Variants in TNRC6A observed in about 807,000 individuals in gnomAD.
TNRC6A encodes the protein trinucleotide repeat-containing gene 6A protein.
Under a neutral mutation model 221.2 loss-of-function variants are expected in TNRC6A, and 44 were observed. The ratio of observed to expected loss-of-function variants is 0.20; its 90% CI spans 0.16 to 0.26. TNRC6A has a LOEUF of 0.26. TNRC6A is among the 10% of genes least tolerant of loss of function. The pLI is 1.00. For synonymous variants in TNRC6A, 847 were observed against 838.5 expected (o/e 1.01, Z -0.18); for missense variants, 2,199 against 2,404.4 (o/e 0.91, Z 1.79).
intron 17 of TNRC6A, among the ~76,000 whole-genome samples, chr16:24,808,604 A>G (rs2058481927): frequency 1.3e-5 from 2 of 152,248 alleles, no homozygotes; most frequent in Non-Finnish European, 2.9e-5. Flanking sequence ...GCTCTCTGCA[A>G]AAATACGCAT....
At chr16:24,797,279 T>A (rs2058239033) in intron 9 of TNRC6A, among the ~76,000 whole-genome samples, 1 of 152,206 alleles carries the variant, frequency 6.6e-6, no homozygotes, top group Non-Finnish European at 1.5e-5. Flanking sequence ...TCTCTGTACA[T>A]TACAGCTATA....
chr16:24,632,339 A>G (rs1901390569), intron 1 of TNRC6A, among the ~76,000 whole-genome samples: 1 of 152,048 alleles, frequency 6.6e-6, no homozygotes, highest in Non-Finnish European at 1.5e-5. Flanking sequence ...CCAACCTCCA[A>G]TATCTTTCCC....
chr16:24,780,639 G>A (rs1337235740), intron 5 of TNRC6A, among the ~76,000 whole-genome samples: 4 of 152,112 alleles, frequency 2.6e-5, no homozygotes, highest in African/African-American at 9.7e-5. Flanking sequence ...ACCTACTGGC[G>A]AAGGAAAGAG....
chr16:24,703,851 A>C (rs1346693922), intron 2 of TNRC6A, among the ~76,000 whole-genome samples: 1 of 152,018 alleles, frequency 6.6e-6, no homozygotes, highest in East Asian at 1.9e-4. Flanking sequence ...TGGGAGGCCA[A>C]GGTGGACAGA....
chr16:24,655,534 C>T (rs951194808), intron 2 of TNRC6A, among the ~76,000 whole-genome samples: 2 of 151,924 alleles, frequency 1.3e-5, no homozygotes, highest in African/African-American at 4.8e-5. Context: ...ACTAAAAATA[C>T]AAAAGTTAGC....
intron 2 of TNRC6A, among the ~76,000 whole-genome samples, chr16:24,731,887 G>A (rs568129747): frequency 6.6e-6 from 1 of 152,346 alleles, no homozygotes; most frequent in East Asian, 1.9e-4. Flanking sequence ...TAAAACGAGC[G>A]GCGTGGGCCA....
intron 2 of TNRC6A, among the ~76,000 whole-genome samples, chr16:24,746,214 G>T (rs1383066976): frequency 2.0e-5 from 3 of 152,072 alleles, no homozygotes; most frequent in Admixed American, 6.5e-5. Context: ...TCTTATTTCA[G>T]ATGTGTTCAG....
chr16:24,744,384 T>G (rs746832872), intron 2 of TNRC6A, among the ~76,000 whole-genome samples: 11 of 152,230 alleles, frequency 7.2e-5, no homozygotes, highest in Non-Finnish European at 1.5e-4. Context: ...TGTTTTCTCA[T>G]CAATGTGCTT....
chr16:24,817,118 G>T (rs567026142), intron 20 of TNRC6A, among the ~76,000 whole-genome samples, 162 bp downstream of exon 20: 1 of 152,094 alleles, frequency 6.6e-6, no homozygotes, highest in South Asian at 2.1e-4. Flanking sequence ...GTGGGACCCT[G>T]TCTCTTTAAA....
At chr16:24,802,062 C>T (rs1567499830) in intron 11 of TNRC6A, among the ~76,000 whole-genome samples, 1 of 152,192 alleles carries the variant, frequency 6.6e-6, no homozygotes. Context: ...AGATTCATGA[C>T]TGGAACAGTA....
At chr16:24,674,491 G>A (rs1157513225) in intron 2 of TNRC6A, among the ~76,000 whole-genome samples, 1 of 152,052 alleles carries the variant, frequency 6.6e-6, no homozygotes, top group Non-Finnish European at 1.5e-5. Context: ...TTGCCAGGAT[G>A]GCATTAATAA....
In TNRC6A at chr16:24,823,195, G is replaced by A. The variant is rs141987379; in HGVS notation, c.5513+182G>A. Among the ~76,000 whole-genome samples the A allele has an allele frequency of 6.6e-3, 1,010 of 152,320 alleles. 13 individuals are homozygous for A. The highest frequency in any genetic ancestry group is 0.024 in the African/African-American group (979 of 41,570). On this transcript the variant is annotated intron_variant, in intron 24 of 24. Transcript: ENST00000395799. The surrounding 1 kb of genome is among the most constrained non-coding windows in gnomAD (Gnocchi z 4.3). ...AGACCTGGCTAGATGGCCCTAGAAAGTCCCTTACGTTGCCCATGGCAGACA... is the reference window on the plus strand; with the variant it reads ...AGACCTGGCTAGATGGCCCTAGAAAATCCCTTACGTTGCCCATGGCAGACA...
chr16:24,737,005 T>G (rs1039491682), intron 2 of TNRC6A, among the ~76,000 whole-genome samples: 1 of 152,218 alleles, frequency 6.6e-6, no homozygotes, highest in Non-Finnish European at 1.5e-5. Context: ...ACATTGGGGC[T>G]GGGCTTGTAA....
chr16:24,814,729 AAC>A (rs1305490897), intron 18 of TNRC6A, among the ~76,000 whole-genome samples: 1 of 152,010 alleles, frequency 6.6e-6, no homozygotes, highest in Non-Finnish European at 1.5e-5. Flanking sequence ...TTTCTTTTTT[AAC>A]AGTTTATTGA....
intron 2 of TNRC6A, among the ~76,000 whole-genome samples, chr16:24,676,603 C>T (rs139322087): frequency 1.2e-3 from 177 of 152,266 alleles, no homozygotes; most frequent in East Asian, 8.7e-3. Context: ...CTCAGGCACA[C>T]GCCACCACGC....
chr16:24,823,633 G>A lies in TNRC6A; in HGVS notation c.5715G>A (p.Leu1905=). ...TDLNHWNGAG[L]SGTNCGDLHG... ...TCAATCACTGGAATGGTGCTGGGCT[G>A]TCGGGAACTAACTGTGGAGACCTTC... Residue 1905 remains leucine, a synonymous_variant, in exon 25 of 25, where the codon CTG becomes CTA. Coordinates refer to ENST00000395799, the MANE Select transcript of TNRC6A (RefSeq NM_014494.4). This position sits in a 1 kb window ranked among gnomAD's most constrained non-coding sequence, Gnocchi z 4.3. 2 of 1,613,664 alleles carry A rather than the reference G, an allele frequency of 1.2e-6. No individual in the cohort carries two copies. Among genetic ancestry groups the A allele is most frequent in the African/African-American group, 1.3e-5 (1 of 75,042 alleles).
Position 24,823,568 on chromosome 16 carries a change from T to A in TNRC6A, c.5650T>A (p.Ser1884Thr), listed in dbSNP as rs2058812907. Residue 1884 changes from serine (S) to threonine (T), a missense_variant, in exon 25 of 25, where the codon TCC becomes ACC. Ser to Thr is a moderately conservative substitution (Grantham distance 58, BLOSUM62 1). Coordinates refer to ENST00000395799, the MANE Select transcript of TNRC6A (RefSeq NM_014494.4). The surrounding 1 kb of genome is among the most constrained non-coding windows in gnomAD (Gnocchi z 4.3). ...SLGSSQSRLGSLDCSHSFSSR... is the reference protein window; with the variant it reads ...SLGSSQSRLGTLDCSHSFSSR... The stretch of plus-strand genomic sequence containing the variant: ...CGGGTCCAGCCAGAGCCGGCTGGGC[T>A]CCCTCGACTGTTCCCACTCATTCTC... The A allele has an allele frequency of 1.2e-6, 2 of 1,613,966 alleles. No individual in the cohort carries two copies. Among genetic ancestry groups the A allele is most frequent in the Non-Finnish European group, 1.7e-6 (2 of 1,180,024 alleles).
intron 19 of TNRC6A, 50 bp downstream of exon 19, chr16:24,815,355 G>GT: frequency 6.3e-7 from 1 of 1,596,324 alleles, no homozygotes; most frequent in Non-Finnish European, 8.6e-7. Flanking sequence ...TTCCATTAAG[G>GT]TTTTGTTACA....
chr16:24,717,339 T>C (rs2056332071), intron 2 of TNRC6A, among the ~76,000 whole-genome samples: 1 of 152,196 alleles, frequency 6.6e-6, no homozygotes, highest in Non-Finnish European at 1.5e-5. Context: ...GTAGCATTTC[T>C]CCAATTCTCC....
Sources: gnomAD v4.1 joint callset for allele counts (sites outside exome capture counted in the v4.1 genomes callset) on GRCh38, gnomAD v4.1.1 for gene constraint, Gnocchi (gnomAD v3.1) non-coding constraint, MANE v1.5 for transcripts, NCBI Gene and HGNC (gene_info 2026-07-23, HGNC 2026-07-21) for gene names.